The following MDGA2 variants were observed in gnomAD, a reference collection of about 807,000 sequenced individuals.
MDGA2 encodes MAM domain-containing glycosylphosphatidylinositol anchor protein 2.
A neutral mutation model predicts 117.8 loss-of-function variants in MDGA2; 40 were observed. That is an observed-to-expected ratio of 0.34 (90% CI 0.26 to 0.44). MDGA2 has a LOEUF of 0.44. MDGA2 is among the 20% of genes least tolerant of loss of function. The pLI, the probability that MDGA2 is intolerant of heterozygous loss-of-function variation, is 1.00. For synonymous variants in MDGA2, 452 were observed against 439.0 expected, an observed-to-expected ratio of 1.03 and a Z score of -0.37; for missense variants, 1,123 against 1,250.6, an observed-to-expected ratio of 0.90 and a Z score of 1.54.
chr14:47,499,910 A>T (rs538535219), intron 1 of MDGA2, among the ~76,000 whole-genome samples: 2 of 152,288 alleles, frequency 1.3e-5, no homozygotes, highest in Admixed American at 1.3e-4. Context: ...AGATAACCAC[A>T]GGGATATATG....
chr14:47,639,060 G>A (rs577602466), intron 1 of MDGA2, among the ~76,000 whole-genome samples: 10 of 152,036 alleles, frequency 6.6e-5, no homozygotes, highest in Admixed American at 6.6e-5. Context: ...GAAATGTCAC[G>A]ACAGAAAGTC....
At chr14:47,530,222 A>C (rs1895067114) in intron 1 of MDGA2, among the ~76,000 whole-genome samples, 1 of 152,144 alleles carries the variant, frequency 6.6e-6, no homozygotes, top group South Asian at 2.1e-4. Flanking sequence ...AGATAGGGCT[A>C]TAAATGCCCT....
intron 1 of MDGA2, among the ~76,000 whole-genome samples, chr14:47,439,391 C>A (rs1472709534): frequency 6.6e-6 from 1 of 151,964 alleles, no homozygotes; most frequent in East Asian, 1.9e-4. Flanking sequence ...TTTATACTTA[C>A]ATAATCATTT....
At chr14:47,043,397 C>A (rs762677833) in intron 7 of MDGA2, among the ~76,000 whole-genome samples, 7 of 151,898 alleles carry the variant, frequency 4.6e-5, no homozygotes, top group African/African-American at 9.7e-5. Context: ...ATATGCAGCA[C>A]CTAAATTTTT....
intron 1 of MDGA2, among the ~76,000 whole-genome samples, chr14:47,378,771 G>C (rs986972148): frequency 2.1e-4 from 32 of 152,276 alleles, no homozygotes; most frequent in Non-Finnish European, 2.6e-4. Context: ...AAAGAGAATG[G>C]AACCAAGTTG....
chr14:46,992,924 A>C (rs1490337485), intron 8 of MDGA2, among the ~76,000 whole-genome samples: 1 of 152,202 alleles, frequency 6.6e-6, no homozygotes, highest in Non-Finnish European at 1.5e-5. Flanking sequence ...ATATCATTTA[A>C]TATTGACAAG....
At chr14:46,961,154 G>C (rs766337420) in intron 8 of MDGA2, among the ~76,000 whole-genome samples, 1 of 151,816 alleles carries the variant, frequency 6.6e-6, no homozygotes, top group Non-Finnish European at 1.5e-5. Context: ...TGTCATTGCT[G>C]TTCTGCAGTT....
chr14:47,402,765 G>A (rs1206167182), intron 1 of MDGA2, among the ~76,000 whole-genome samples: 2 of 151,882 alleles, frequency 1.3e-5, no homozygotes, highest in African/African-American at 2.4e-5. Context: ...TACAACTGAG[G>A]ATACTGGAAC....
chr14:47,312,698 GTTTTT>G (rs10688219), intron 1 of MDGA2, among the ~76,000 whole-genome samples: 1 of 133,716 alleles, frequency 7.5e-6, no homozygotes, highest in Non-Finnish European at 1.5e-5. Flanking sequence ...GTTTTGTTTT[GTTTTT>G]TTTTTTTGTA....
At chr14:47,303,685 A>T (rs1309420442) in intron 1 of MDGA2, among the ~76,000 whole-genome samples, 1 of 152,164 alleles carries the variant, frequency 6.6e-6, no homozygotes, top group Non-Finnish European at 1.5e-5. Context: ...TAAATGTTCA[A>T]TAGAAAATAC....
intron 9 of MDGA2, among the ~76,000 whole-genome samples, chr14:46,948,058 A>G (rs1885236378): frequency 6.6e-6 from 1 of 151,990 alleles, no homozygotes; most frequent in Non-Finnish European, 1.5e-5. Context: ...TTAGTCTAGT[A>G]ATATAGTTAT....
intron 4 of MDGA2, among the ~76,000 whole-genome samples, chr14:47,139,810 ATATACACACATATATAT>A (rs1293099400): frequency 1.4e-5 from 2 of 143,062 alleles, no homozygotes; most frequent in African/African-American, 5.2e-5. Flanking sequence ...ATATGTATAT[ATATACACACATATATAT>A]ACACATATAT....
At chr14:47,294,103 C>CTTT (rs35698427) in intron 2 of MDGA2, among the ~76,000 whole-genome samples, 12 of 99,140 alleles carry the variant, frequency 1.2e-4, no homozygotes, top group Non-Finnish European at 1.9e-4. Flanking sequence ...ATATGGCAAT[C>CTTT]TTTTTTTTTT....
At chr14:47,108,301 TAAG>T (rs1196283973) in intron 5 of MDGA2, among the ~76,000 whole-genome samples, 1 of 152,144 alleles carries the variant, frequency 6.6e-6, no homozygotes, top group Non-Finnish European at 1.5e-5. Flanking sequence ...CTTATTAATA[TAAG>T]AAGGCAGGAA....
chr14:46,877,412 AT>A, intron 12 of MDGA2, 76 bp downstream of exon 12: 2 of 830,362 alleles, frequency 2.4e-6, no homozygotes, highest in South Asian at 2.1e-5. Context: ...TTACTAAACA[AT>A]TTTTGTATAT....
At chr14:47,295,935 T>TAGAC (rs774856255) in intron 2 of MDGA2, among the ~76,000 whole-genome samples, 8 of 55,438 alleles carry the variant, frequency 1.4e-4, no homozygotes, top group South Asian at 6.9e-4. Flanking sequence ...GATGATAAGA[T>TAGAC]AGATAGATAG....
chr14:47,524,256 G>C (rs1389790673), intron 1 of MDGA2, among the ~76,000 whole-genome samples: 12 of 148,244 alleles, frequency 8.1e-5, no homozygotes, highest in Non-Finnish European at 1.8e-4. Flanking sequence ...TTTGGGGCAG[G>C]AAATAAGTGC....
At chr14:47,455,429 C>T (rs1320899391) in intron 1 of MDGA2, among the ~76,000 whole-genome samples, 1 of 152,042 alleles carries the variant, frequency 6.6e-6, no homozygotes, top group East Asian at 1.9e-4. Flanking sequence ...TTGCTTGAAC[C>T]CAGGAGGCAG....
At chr14:47,287,576 A>G (rs1406682300) in intron 2 of MDGA2, among the ~76,000 whole-genome samples, 2 of 152,166 alleles carry the variant, frequency 1.3e-5, no homozygotes, top group African/African-American at 2.4e-5. Context: ...TCAAGTATAC[A>G]ACATATTATT....
Sources: gnomAD v4.1 joint callset for allele counts (sites outside exome capture counted in the v4.1 genomes callset) on GRCh38, gnomAD v4.1.1 for gene constraint, MANE v1.5 for transcripts, NCBI Gene and HGNC (gene_info 2026-07-23, HGNC 2026-07-21) for gene names.